Variants in DYTN observed in about 807,000 individuals in gnomAD.
DYTN encodes dystrotelin.
DYTN carries 75 observed loss-of-function variants against 69.6 expected under a neutral mutation model. That is an observed-to-expected ratio of 1.08 (90% CI 0.89 to 1.31). The LOEUF (loss-of-function observed/expected upper bound fraction) is 1.31. Ranked by LOEUF, DYTN falls within the 50% of genes most tolerant of loss-of-function variation. DYTN has a pLI of 0.00. For synonymous variants in DYTN, 252 were observed against 249.1 expected (o/e 1.01, Z -0.11); for missense variants, 726 against 688.4 (o/e 1.05, Z -0.61).
intron 9 of DYTN, among the ~76,000 whole-genome samples, chr2:206,690,250 C>T (rs767252673): frequency 6.6e-6 from 1 of 152,116 alleles, no homozygotes; most frequent in African/African-American, 2.4e-5. Context: ...GCCAGTCCCC[C>T]GAGGTGGCAG....
At chr2:206,683,267 A>G (rs1432498662) in intron 9 of DYTN, among the ~76,000 whole-genome samples, 2 of 151,828 alleles carry the variant, frequency 1.3e-5, no homozygotes, top group East Asian at 1.9e-4. Context: ...ATGTTTCCCC[A>G]GAGTAAAAGC....
chr2:206,696,670 TAGA>T (rs201741515), intron 7 of DYTN, among the ~76,000 whole-genome samples: 2 of 152,302 alleles, frequency 1.3e-5, no homozygotes, highest in East Asian at 3.9e-4. Context: ...TAGTAAGTAG[TAGA>T]AGATTTTGAG....
intron 7 of DYTN, among the ~76,000 whole-genome samples, chr2:206,699,048 G>T (rs1174410541): frequency 6.6e-6 from 1 of 152,208 alleles, no homozygotes; most frequent in African/African-American, 2.4e-5. Flanking sequence ...CATGTGAACT[G>T]CTCAGCTTGG....
At chr2:206,674,878 C>A (rs13432793) in intron 9 of DYTN, among the ~76,000 whole-genome samples, 21,103 of 151,648 alleles carry the variant, frequency 0.14, 2,455 homozygotes, top group African/African-American at 0.32. Context: ...AAACAAGGAC[C>A]AGAAAAACAC....
At chr2:206,713,925 T>G (rs1369013983) in intron 1 of DYTN, among the ~76,000 whole-genome samples, 1 of 152,180 alleles carries the variant, frequency 6.6e-6, no homozygotes, top group East Asian at 1.9e-4. Context: ...TAGCAGGGTG[T>G]GCTGGGGAGT....
At chr2:206,652,045 G>A in intron 11 of DYTN, 124 bp from the exon 12 acceptor site, 3 of 811,038 alleles carry the variant, frequency 3.7e-6, no homozygotes, top group African/African-American at 1.7e-5. Flanking sequence ...CAAGGACAAT[G>A]TCCTTAAGTT....
chr2:206,698,899 C>G (rs1238204446), intron 7 of DYTN, among the ~76,000 whole-genome samples: 2 of 152,228 alleles, frequency 1.3e-5, no homozygotes, highest in African/African-American at 4.8e-5. Context: ...AGCATCATGG[C>G]TGCAAAGCAG....
At chr2:206,687,931 A>G (rs1699829313) in intron 9 of DYTN, among the ~76,000 whole-genome samples, 1 of 152,206 alleles carries the variant, frequency 6.6e-6, no homozygotes, top group African/African-American at 2.4e-5. Flanking sequence ...TCAGATATTA[A>G]TGTCTCTCAC....
rs567640222 is a variant in DYTN at position 206,714,552 on chromosome 2, C to A, written c.19+3709G>T. ...GCCTTTGTATGAAAAGATGGACAGG[C>A]CCATGAAAGAATTAATCTGGAATTT... On this transcript the variant is annotated intron_variant, in intron 1 of 11. Coordinates refer to ENST00000452335, the MANE Select transcript of DYTN (RefSeq NM_001093730.1). 1.3e-3 allele frequency among the ~76,000 whole-genome samples: 193 copies of A among 152,276 alleles called. 1 individual carries two copies. In the Middle Eastern group the frequency reaches 0.014, roughly 11 times the overall value.
intron 9 of DYTN, among the ~76,000 whole-genome samples, chr2:206,683,339 C>CTTTTTTTTTT (rs10531348): frequency 1.1e-4 from 12 of 111,946 alleles, no homozygotes; most frequent in South Asian, 3.4e-4. Context: ...TTTACTTTTT[C>CTTTTTTTTTT]TTTTTTTTTT....
At chr2:206,704,060 G>A (rs78511791) in intron 5 of DYTN, among the ~76,000 whole-genome samples, 1,593 of 152,214 alleles carry the variant, frequency 0.01, 27 homozygotes, top group African/African-American at 0.037. Flanking sequence ...TTAAACCACA[G>A]GAAATGATGG....
rs115218947 is a variant in DYTN, at chr2:206,683,780, C to T, written c.980+9395G>A. On this transcript the variant is annotated intron_variant, in intron 9 of 11. Coordinates refer to ENST00000452335, the MANE Select transcript of DYTN (RefSeq NM_001093730.1). The stretch of plus-strand genomic sequence containing the variant: ...CAACCTAATACCAAGCATGCCCCCA[C>T]TTGGTGCTGGCTGTCTCCTCAGTTT... 3.2e-3 allele frequency among the ~76,000 whole-genome samples: 484 copies of T among 152,266 alleles called. 4 individuals are homozygous for T. The highest frequency in any genetic ancestry group is 0.011 in the African/African-American group (441 of 41,540).
chr2:206,680,356 A>T (rs1289598770), intron 9 of DYTN, among the ~76,000 whole-genome samples: 1 of 152,118 alleles, frequency 6.6e-6, no homozygotes, highest in African/African-American at 2.4e-5. Flanking sequence ...ACACATGGGG[A>T]TTATGGGAGC....
Position 206,663,544 on chromosome 2 carries a change from T to C in DYTN, c.1141-149A>G, listed in dbSNP as rs1045833698. On this transcript the variant is annotated intron_variant, in intron 10 of 11. Coordinates refer to ENST00000452335, the MANE Select transcript of DYTN (RefSeq NM_001093730.1). ...ATATTATCATTACTATTAATTTTAA[T>C]TTATTCTGCTAATTCTATGTCAACC... The C allele has an allele frequency of 3.4e-6, 3 of 870,314 alleles. No homozygotes were observed. The South Asian group carries it at 8.5e-5, about 25-fold the overall frequency. The allele number at this position is 870,314 out of a possible 1,614,324, so 53.9% of individuals were successfully genotyped here. A position where few individuals can be genotyped will look rare whatever the true frequency, so the allele number is the denominator to read the frequency against.
intron 8 of DYTN, 104 bp downstream of exon 8, chr2:206,694,662 A>G: frequency 1.2e-6 from 1 of 851,350 alleles, no homozygotes; most frequent in Non-Finnish European, 1.7e-6. Flanking sequence ...GCAATGTATG[A>G]CAGGAGCAGA....
chr2:206,710,385 G>A (rs1343666958), intron 2 of DYTN, 139 bp downstream of exon 2: 11 of 735,274 alleles, frequency 1.5e-5, no homozygotes, highest in Admixed American at 3.5e-5. Context: ...TCTCTGTCAC[G>A]AATGGGCTAA....
At chr2:206,716,017 G>A (rs1463610063) in intron 1 of DYTN, among the ~76,000 whole-genome samples, 5 of 152,182 alleles carry the variant, frequency 3.3e-5, no homozygotes, top group African/African-American at 4.8e-5. Context: ...GAACCAGGGA[G>A]TTGGAGGTTG....
intron 9 of DYTN, among the ~76,000 whole-genome samples, chr2:206,685,932 A>C (rs1359691578): frequency 6.6e-6 from 1 of 151,476 alleles, no homozygotes; most frequent in Non-Finnish European, 1.5e-5. Flanking sequence ...TTCCCTAAAA[A>C]TGTTGAAGTT....
intron 1 of DYTN, among the ~76,000 whole-genome samples, chr2:206,712,860 G>A (rs58697619): frequency 0.027 from 4,097 of 152,328 alleles, 95 homozygotes; most frequent in South Asian, 0.072. Context: ...GGCAAGTAAT[G>A]TTCCAATGAA....
Sources: gnomAD v4.1 joint callset for allele counts (sites outside exome capture counted in the v4.1 genomes callset) on GRCh38, gnomAD v4.1.1 for gene constraint, MANE v1.5 for transcripts, NCBI Gene and HGNC (gene_info 2026-07-23, HGNC 2026-07-21) for gene names.